The following RHOJ variants were observed in gnomAD, a reference collection of about 807,000 sequenced individuals.
RHOJ encodes ras homolog family member J.
Under a neutral mutation model 23.4 loss-of-function variants are expected in RHOJ, and 11 were observed. That is an observed-to-expected ratio of 0.47 (90% CI 0.30 to 0.78). RHOJ has a LOEUF of 0.78. Among genes scored for constraint, RHOJ ranks in the 30% least tolerant of loss-of-function variants. RHOJ has a pLI of 0.08. For synonymous variants in RHOJ, 102 were observed against 102.7 expected (o/e 0.99, Z 0.04); for missense variants, 254 against 273.4 (o/e 0.93, Z 0.50).
At chr14:63,286,517 A>G (rs1453789960) in intron 4 of RHOJ, among the ~76,000 whole-genome samples, 1 of 152,188 alleles carries the variant, frequency 6.6e-6, no homozygotes, top group South Asian at 2.1e-4. Flanking sequence ...AAGCATAGGG[A>G]GCAGATTGGC....
At chr14:63,206,383 G>A (rs887089425) in intron 1 of RHOJ, among the ~76,000 whole-genome samples, 1 of 152,162 alleles carries the variant, frequency 6.6e-6, no homozygotes, top group African/African-American at 2.4e-5. Context: ...GAGAAGAACA[G>A]GTTGACTTTC....
At chr14:63,230,958 G>A (rs565372007) in intron 1 of RHOJ, among the ~76,000 whole-genome samples, 92 of 147,948 alleles carry the variant, frequency 6.2e-4, no homozygotes, top group African/African-American at 2.1e-3. Flanking sequence ...GTGTGATCTC[G>A]GCTCACTGCA....
chr14:63,226,157 G>A (rs553250599), intron 1 of RHOJ, among the ~76,000 whole-genome samples: 10 of 152,152 alleles, frequency 6.6e-5, no homozygotes, highest in African/African-American at 2.2e-4. Flanking sequence ...GAAAAAATCA[G>A]CAACATTTAT....
chr14:63,258,920 T>C (rs935329217), intron 1 of RHOJ, among the ~76,000 whole-genome samples: 10 of 152,226 alleles, frequency 6.6e-5, no homozygotes, highest in Admixed American at 2.6e-4. Context: ...TTCCCATTTA[T>C]ATTTGAGTTG....
chr14:63,273,434 C>G (rs1895507132), intron 2 of RHOJ, among the ~76,000 whole-genome samples: 1 of 152,212 alleles, frequency 6.6e-6, no homozygotes, highest in South Asian at 2.1e-4. Flanking sequence ...CCAGAGCTGA[C>G]TTTCCCATGA....
rs767235155 is a variant in RHOJ at position 63,291,053 on chromosome 14, C to G, written c.*29C>G. 10 of 1,612,812 alleles carry G rather than the reference C, an allele frequency of 6.2e-6. No homozygotes were observed. In the African/African-American group the frequency reaches 1.2e-4, roughly 19 times the overall value. On this transcript the variant is annotated 3_prime_UTR_variant, in exon 5 of 5. Transcript: ENST00000316754. ...TGTCTGGGACCTGCCTCCACCCCAT[C>G]CAGGGATGAGAATGGCAGCCAATCT...
chr14:63,230,598 T>C (rs1394725211), intron 1 of RHOJ, among the ~76,000 whole-genome samples: 1 of 152,036 alleles, frequency 6.6e-6, no homozygotes, highest in African/African-American at 2.4e-5. Flanking sequence ...AGATCTTCCC[T>C]AATCATGCTG....
chr14:63,221,087 G>A (rs1242020474), intron 1 of RHOJ, among the ~76,000 whole-genome samples: 1 of 152,114 alleles, frequency 6.6e-6, no homozygotes, highest in African/African-American at 2.4e-5. Flanking sequence ...CCAGCACTTT[G>A]GGAGTCGAAG....
chr14:63,270,209 G>A (rs567858254), intron 2 of RHOJ, among the ~76,000 whole-genome samples: 1 of 134,084 alleles, frequency 7.5e-6, no homozygotes, highest in East Asian at 2.3e-4. Context: ...GATATACATC[G>A]TTTTGCTCAA....
intron 1 of RHOJ, among the ~76,000 whole-genome samples, chr14:63,217,039 C>G (rs1202762271): frequency 6.6e-6 from 1 of 151,976 alleles, no homozygotes; most frequent in Non-Finnish European, 1.5e-5. Flanking sequence ...TCTCACTCCC[C>G]CATAGCTACT....
chr14:63,219,457 T>C (rs1307132115), intron 1 of RHOJ, among the ~76,000 whole-genome samples: 1 of 152,238 alleles, frequency 6.6e-6, no homozygotes, highest in Non-Finnish European at 1.5e-5. Flanking sequence ...TTTTTTCTTA[T>C]TTAGTCTTTT....
intron 1 of RHOJ, among the ~76,000 whole-genome samples, chr14:63,219,748 G>A (rs9788628): frequency 0.17 from 26,306 of 151,504 alleles, 2,604 homozygotes; most frequent in East Asian, 0.3. Context: ...CCCAGGAGGC[G>A]GAGGTTGCAG....
intron 1 of RHOJ, among the ~76,000 whole-genome samples, chr14:63,214,449 T>C (rs1043025705): frequency 6.6e-6 from 1 of 152,172 alleles, no homozygotes; most frequent in African/African-American, 2.4e-5. Flanking sequence ...CATCCATCAG[T>C]AAAAAGCAAT....
chr14:63,252,198 C>A (rs1018671692), intron 1 of RHOJ, among the ~76,000 whole-genome samples: 1 of 152,284 alleles, frequency 6.6e-6, no homozygotes, highest in Non-Finnish European at 1.5e-5. Flanking sequence ...TTGCCTTTCC[C>A]AGTGTCTAGA....
chr14:63,210,820 T>C (rs1262422282), intron 1 of RHOJ, among the ~76,000 whole-genome samples: 1 of 152,236 alleles, frequency 6.6e-6, no homozygotes, highest in Non-Finnish European at 1.5e-5. Flanking sequence ...TAAAATAAGC[T>C]CATTCCAGCT....
In RHOJ at chr14:63,269,095, T is replaced by C; in HGVS notation, c.179-15T>C. ...TATGGACTCTCCTCTTCTTTTCTTT[T>C]CTCTTCTCCCCTAGTTACTGTGACT... On this transcript the variant is annotated splice_polypyrimidine_tract_variant and intron_variant, in intron 1 of 4. Transcript: ENST00000316754. 1.2e-6 allele frequency: 2 copies of C among 1,604,086 alleles called. No individual in the cohort carries two copies. The highest frequency in any genetic ancestry group is 1.7e-6 in the Non-Finnish European group (2 of 1,171,312).
intron 1 of RHOJ, among the ~76,000 whole-genome samples, chr14:63,256,763 C>A (rs1208605253): frequency 6.6e-6 from 1 of 152,140 alleles, no homozygotes; most frequent in African/African-American, 2.4e-5. Context: ...CATGGTGAAA[C>A]CCTGTCTCTA....
chr14:63,284,420 CATA>C, intron 4 of RHOJ: 1 of 882,236 alleles, frequency 1.1e-6, no homozygotes, highest in Non-Finnish European at 1.4e-6. Context: ...ACTTCAGCCT[CATA>C]ATAACCCTCT....
At chr14:63,253,742 A>G (rs1177871705) in intron 1 of RHOJ, among the ~76,000 whole-genome samples, 1 of 152,222 alleles carries the variant, frequency 6.6e-6, no homozygotes, top group African/African-American at 2.4e-5. Context: ...AGAGCAGAAG[A>G]TCTGATCCTT....
Sources: allele counts gnomAD v4.1 joint callset (sites outside exome capture counted in the v4.1 genomes callset), GRCh38; gene constraint gnomAD v4.1.1; transcripts MANE v1.5; gene names NCBI Gene and HGNC (gene_info 2026-07-23, HGNC 2026-07-21).